PBRM1: variants seen among roughly 807,000 people sequenced by gnomAD.
PBRM1 encodes the protein polybromo 1, also known as protein polybromo-1.
A neutral mutation model predicts 194.5 loss-of-function variants in PBRM1; 27 were observed. That is an observed-to-expected ratio of 0.14 (90% CI 0.10 to 0.19). PBRM1 has a LOEUF of 0.19. Ranked by LOEUF, PBRM1 falls within the 10% of genes least tolerant of loss-of-function variation. The probability of loss-of-function intolerance (pLI) is 1.00; values close to 1 mark genes in which losing one functional copy is unlikely to be tolerated. For missense variants in PBRM1, 1,466 were observed against 2,077.2 expected (o/e 0.71, Z 5.72); for synonymous variants, 655 against 693.2 (o/e 0.94, Z 0.87).
chr3:52,658,969 TC>T (rs2096663044), intron 4 of PBRM1, among the ~76,000 whole-genome samples: 1 of 152,232 alleles, frequency 6.6e-6, no homozygotes, highest in South Asian at 2.1e-4. Context: ...CATTTCTATA[TC>T]TGCTGTTCAC....
chr3:52,660,966 A>G (rs1395326184), intron 4 of PBRM1, among the ~76,000 whole-genome samples: 1 of 152,204 alleles, frequency 6.6e-6, no homozygotes, highest in Non-Finnish European at 1.5e-5. Flanking sequence ...AGCTGTAGAA[A>G]AGAGTTGTGA....
intron 3 of PBRM1, among the ~76,000 whole-genome samples, chr3:52,664,595 C>A (rs1342808994): frequency 2.0e-5 from 3 of 151,698 alleles, no homozygotes; most frequent in Non-Finnish European, 4.4e-5. Context: ...ATTAGCCGGG[C>A]ATGGTGGCAG....
intron 3 of PBRM1, among the ~76,000 whole-genome samples, chr3:52,663,384 C>T (rs2096765865): frequency 6.6e-6 from 1 of 152,174 alleles, no homozygotes; most frequent in African/African-American, 2.4e-5. Flanking sequence ...CCCATCTCAA[C>T]CTCTACCTAT....
At chr3:52,663,055 G>A (rs1054638551) in intron 3 of PBRM1, among the ~76,000 whole-genome samples, 2 of 152,020 alleles carry the variant, frequency 1.3e-5, no homozygotes, top group South Asian at 4.1e-4. Context: ...TAAAAACAAC[G>A]TTGGATGCAA....
At chr3:52,668,357 T>C in intron 3 of PBRM1, 141 bp downstream of exon 4, 1 of 588,348 alleles carries the variant, frequency 1.7e-6, no homozygotes, top group South Asian at 2.2e-5. Flanking sequence ...GAATGTCCAG[T>C]CTCTTTACGA....
intron 2 of PBRM1, 44 bp downstream of exon 3, chr3:52,678,456 T>C (rs761501551): frequency 3.1e-5 from 41 of 1,302,348 alleles, no homozygotes; most frequent in Non-Finnish European, 4.6e-5. Context: ...ACATGGACTC[T>C]GGACCAAATC....
intron 3 of PBRM1, among the ~76,000 whole-genome samples, chr3:52,667,199 A>G (rs185121134): frequency 4.6e-5 from 7 of 152,324 alleles, no homozygotes; most frequent in Admixed American, 1.3e-4. Context: ...AAAACTATAA[A>G]ACTTTAAGAA....
chr3:52,550,700 T>C lies in PBRM1; in HGVS notation c.4680+47A>G, dbSNP rs1363483801. On this transcript the variant is annotated intron_variant, in intron 28 of 29. Transcript: ENST00000296302. Reference sequence around the variant, plus strand: ...GACTCTGCACATGTTCTGAGAAGGATAACTCGAATTCTGTCAAGTCCTAGA... The same window carrying C: ...GACTCTGCACATGTTCTGAGAAGGACAACTCGAATTCTGTCAAGTCCTAGA... 8 of 1,582,400 alleles carry C rather than the reference T, an allele frequency of 5.1e-6. No individual in the cohort carries two copies. In the East Asian group the frequency reaches 1.8e-4, roughly 35 times the overall value.
At chr3:52,610,221 A>G (rs891269752) in intron 15 of PBRM1, among the ~76,000 whole-genome samples, 1 of 152,246 alleles carries the variant, frequency 6.6e-6, no homozygotes, top group African/African-American at 2.4e-5. Flanking sequence ...GCTATGTGAC[A>G]TTCTATCACC....
intron 22 of PBRM1, among the ~76,000 whole-genome samples, chr3:52,564,936 T>C (rs1385420250): frequency 1.3e-5 from 2 of 152,142 alleles, no homozygotes; most frequent in Admixed American, 6.5e-5. Flanking sequence ...CAGTGGCTCA[T>C]GCCTGTAATC....
At chr3:52,557,771 G>A (rs188272143) in intron 26 of PBRM1, among the ~76,000 whole-genome samples, 1 of 152,128 alleles carries the variant, frequency 6.6e-6, no homozygotes, top group East Asian at 1.9e-4. Flanking sequence ...GACCAAGAAA[G>A]GATTTACAAT....
chr3:52,666,301 G>A (rs905204804), intron 3 of PBRM1, among the ~76,000 whole-genome samples: 1 of 152,098 alleles, frequency 6.6e-6, no homozygotes, highest in South Asian at 2.1e-4. Context: ...TAGCACTTTT[G>A]GGAGGCCGAG....
chr3:52,634,051 A>C (rs2095710971), intron 11 of PBRM1, among the ~76,000 whole-genome samples: 1 of 152,174 alleles, frequency 6.6e-6, no homozygotes, highest in Non-Finnish European at 1.5e-5. Context: ...TCAACTATAG[A>C]TACATAACTT....
chr3:52,631,607 C>T (rs2095620314), intron 11 of PBRM1, among the ~76,000 whole-genome samples: 1 of 152,142 alleles, frequency 6.6e-6, no homozygotes, highest in Non-Finnish European at 1.5e-5. Context: ...TGGCTCACTG[C>T]AACCTCCATC....
intron 10 of PBRM1, among the ~76,000 whole-genome samples, chr3:52,636,027 C>T (rs1051877405): frequency 6.0e-5 from 9 of 151,152 alleles, no homozygotes; most frequent in African/African-American, 2.2e-4. Flanking sequence ...CCACGCCTGG[C>T]CAATTTGGTT....
chr3:52,613,250 G>A (rs1207380574), intron 15 of PBRM1, among the ~76,000 whole-genome samples: 4 of 151,722 alleles, frequency 2.6e-5, no homozygotes, highest in African/African-American at 7.3e-5. Context: ...AGGAAAAGAA[G>A]AAGAAAAAGG....
chr3:52,615,296 C>A, intron 15 of PBRM1, 55 bp downstream of exon 17: 2 of 895,096 alleles, frequency 2.2e-6, no homozygotes, highest in South Asian at 1.4e-5. Context: ...TCAGAAAAAT[C>A]AGCAATCTCT....
intron 2 of PBRM1, among the ~76,000 whole-genome samples, chr3:52,672,416 C>T (rs1445156434): frequency 6.6e-6 from 1 of 151,790 alleles, no homozygotes; most frequent in Non-Finnish European, 1.5e-5. Flanking sequence ...AATATTTGGG[C>T]ACCAGTTTTC....
intron 22 of PBRM1, among the ~76,000 whole-genome samples, chr3:52,569,770 T>C (rs2086455295): frequency 6.6e-6 from 1 of 152,246 alleles, no homozygotes; most frequent in Admixed American, 6.5e-5. Context: ...CTGAATCTTT[T>C]AAGATAATAG....
Sources: gnomAD v4.1 joint callset for allele counts (sites outside exome capture counted in the v4.1 genomes callset) on GRCh38, gnomAD v4.1.1 for gene constraint, MANE v1.5 for transcripts, NCBI Gene and HGNC (gene_info 2026-07-23, HGNC 2026-07-21) for gene names.